Variants in KCNJ1 observed in about 807,000 individuals in gnomAD.
The protein encoded by KCNJ1 is ATP-sensitive inward rectifier potassium channel 1.
A neutral mutation model predicts 21.9 loss-of-function variants in KCNJ1; 24 were observed. That is an observed-to-expected ratio of 1.10 (90% CI 0.79 to 1.54). The LOEUF is 1.54. KCNJ1 is among the 40% of genes most tolerant of loss of function. The pLI is 0.00. For missense variants in KCNJ1, 457 were observed against 455.4 expected (o/e 1.00, Z -0.03); for synonymous variants, 152 against 160.9 (o/e 0.94, Z 0.42).
intron 2 of KCNJ1, among the ~76,000 whole-genome samples, chr11:128,848,900 G>T (rs1260622465): frequency 6.6e-6 from 1 of 152,234 alleles, no homozygotes; most frequent in Non-Finnish European, 1.5e-5. Flanking sequence ...GGCTGGGGCT[G>T]ATAACAGTCT....
In KCNJ1 at chr11:128,839,370, G is replaced by A. The variant is rs779747435; in HGVS notation, c.874C>T (p.Arg292Trp). 47 of 1,614,006 alleles carry A rather than the reference G, an allele frequency of 2.9e-5. No individual in the cohort carries two copies. The highest frequency in any genetic ancestry group is 1.6e-4 in the Middle Eastern group (1 of 6,084). The part of the protein sequence containing the change: ...VESTSATCQV[R>W]TSYVPEEVLW... ...ACCTCCTCTGGGACATAGGATGTCC[G>A]GACTTGGCAGGTAGCACTGGTGGAC... The change falls in exon 3 of 3, where the codon CGG becomes TGG. Residue 292 changes from arginine (R) to tryptophan (W), a missense_variant. Coordinates refer to ENST00000392666, the MANE Select transcript of KCNJ1 (RefSeq NM_153766.3).
intron 1 of KCNJ1, among the ~76,000 whole-genome samples, chr11:128,864,608 T>G (rs747972147): frequency 6.6e-6 from 1 of 152,154 alleles, no homozygotes; most frequent in Non-Finnish European, 1.5e-5. Context: ...AAGAGCAGAT[T>G]GGGAAAGCCT....
chr11:128,850,146 C>T (rs1221139423), intron 2 of KCNJ1, among the ~76,000 whole-genome samples: 1 of 152,134 alleles, frequency 6.6e-6, no homozygotes, highest in Non-Finnish European at 1.5e-5. Flanking sequence ...GCTATTTCCT[C>T]GGCTGGAAAC....
At chr11:128,858,410 G>C (rs1181434963) in intron 1 of KCNJ1, among the ~76,000 whole-genome samples, 1 of 152,138 alleles carries the variant, frequency 6.6e-6, no homozygotes, top group Non-Finnish European at 1.5e-5. Context: ...ATTAACAACT[G>C]TTCAAATGGC....
intron 1 of KCNJ1, among the ~76,000 whole-genome samples, chr11:128,864,714 G>C (rs1042021588): frequency 5.9e-5 from 9 of 152,150 alleles, no homozygotes; most frequent in South Asian, 4.1e-4. Context: ...GCCATTCAAA[G>C]TGTGCTCTTT....
chr11:128,848,299 AAAAAAAAAAAAG>A (rs1473172684), intron 2 of KCNJ1, among the ~76,000 whole-genome samples: 1 of 150,638 alleles, frequency 6.6e-6, no homozygotes. Flanking sequence ...AAAAAAAAAA[AAAAAAAAAAAAG>A]TACCTGAGAC....
intron 2 of KCNJ1, among the ~76,000 whole-genome samples, chr11:128,849,222 G>A (rs995922002): frequency 6.6e-6 from 1 of 152,252 alleles, no homozygotes; most frequent in Non-Finnish European, 1.5e-5. Context: ...AAAGAGCAAA[G>A]ATTAGAAGAA....
intron 1 of KCNJ1, among the ~76,000 whole-genome samples, chr11:128,861,951 T>C (rs1565531068): frequency 6.6e-6 from 1 of 151,856 alleles, no homozygotes; most frequent in Non-Finnish European, 1.5e-5. Context: ...AGCCCCCAGC[T>C]CTCGGCCGCG....
Position 128,845,749 on chromosome 11 carries a change from TCTGAGCTTCAGGACTCTTCCAGGCTAGA to T in KCNJ1, c.-22+4944_-22+4971del, listed in dbSNP as rs766446004. Among the ~76,000 whole-genome samples the T allele has an allele frequency of 2.6e-5, 4 of 152,330 alleles. No individual in the cohort carries two copies. The East Asian group carries it at 7.7e-4, about 29-fold the overall frequency. Reference sequence around the variant, plus strand: ...GGCCTCATGGGCATAGAAGAGGGCATCTGAGCTTCAGGACTCTTCCAGGCTAGACTTGGGAATGCACTTCAGGAATACC... The same window carrying T: ...GGCCTCATGGGCATAGAAGAGGGCATCTTGGGAATGCACTTCAGGAATACC... On this transcript the variant is annotated intron_variant, in intron 2 of 2. Transcript: ENST00000392666.
intron 1 of KCNJ1, among the ~76,000 whole-genome samples, chr11:128,860,489 C>T (rs565654502): frequency 2.1e-4 from 32 of 152,294 alleles, no homozygotes; most frequent in Non-Finnish European, 4.3e-4. Flanking sequence ...GGAAGGAAGA[C>T]GTGACTTAAG....
chr11:128,859,184 TTC>T (rs914819771), intron 1 of KCNJ1, among the ~76,000 whole-genome samples: 3 of 152,228 alleles, frequency 2.0e-5, no homozygotes, highest in African/African-American at 7.2e-5. Flanking sequence ...AGGTCTAATT[TTC>T]TCTGTTTGAC....
intron 1 of KCNJ1, among the ~76,000 whole-genome samples, chr11:128,860,408 G>A (rs192383872): frequency 1.3e-5 from 2 of 152,250 alleles, no homozygotes; most frequent in Admixed American, 6.5e-5. Flanking sequence ...ACACTGCACA[G>A]GTTTCACTGT....
At chr11:128,845,182 T>C (rs1456124784) in intron 2 of KCNJ1, among the ~76,000 whole-genome samples, 1 of 152,232 alleles carries the variant, frequency 6.6e-6, no homozygotes, top group East Asian at 1.9e-4. Flanking sequence ...ACAAACACAT[T>C]ATTTATTGAG....
chr11:128,860,844 C>T (rs973383084), intron 1 of KCNJ1, among the ~76,000 whole-genome samples: 26 of 152,216 alleles, frequency 1.7e-4, no homozygotes, highest in African/African-American at 6.3e-4. Flanking sequence ...GACAGGGGCA[C>T]GCCCAGCCCC....
At chr11:128,856,893 C>T (rs1044666009) in intron 1 of KCNJ1, among the ~76,000 whole-genome samples, 3 of 152,060 alleles carry the variant, frequency 2.0e-5, no homozygotes, top group Non-Finnish European at 4.4e-5. Context: ...TGTCCACCGC[C>T]TCTTTCTCCT....
rs971997115 is a variant in KCNJ1 at position 128,838,985 on chromosome 11, G to A, written c.*140C>T. The A allele has an allele frequency of 3.5e-5, 25 of 713,122 alleles. 1 individual carries two copies. Among genetic ancestry groups the A allele is most frequent in the African/African-American group, 2.5e-4 (14 of 56,314 alleles). 44.2% of individuals were successfully genotyped at this position (713,122 alleles called of 1,614,324 possible). On this transcript the variant is annotated 3_prime_UTR_variant, in exon 3 of 3. Transcript: ENST00000392666. ...GCATGTCTTGTGGGATCACAATTGC[G>A]GGGCTCAGGGGTCTTTGTGCTGGTA... is the stretch of plus-strand genomic sequence containing the variant.
chr11:128,845,293 C>A (rs1943359056), intron 2 of KCNJ1, among the ~76,000 whole-genome samples: 1 of 152,230 alleles, frequency 6.6e-6, no homozygotes, highest in South Asian at 2.1e-4. Context: ...TGTAATGTGG[C>A]AGGTTTGCTG....
rs562014171 is a variant in KCNJ1 at position 128,866,350 on chromosome 11, A to G, written c.-192+823T>C. Among the ~76,000 whole-genome samples, 7 of 152,326 alleles carry G rather than the reference A, an allele frequency of 4.6e-5. No homozygotes were observed. The South Asian group carries it at 1.4e-3, about 32-fold the overall frequency. On this transcript the variant is annotated intron_variant, in intron 1 of 2. Transcript: ENST00000392666. Reference sequence around the variant, plus strand: ...GAGTGGCTCTGCCAAGTCCCTGTCCATAAAAGGTCCATAGCACAATCACTA... The same window carrying G: ...GAGTGGCTCTGCCAAGTCCCTGTCCGTAAAAGGTCCATAGCACAATCACTA...
At position 128,839,239 on chromosome 11, in the gene KCNJ1, G is replaced by T; in HGVS notation, c.1005C>A (p.His335Gln). ...FSKTVEVETP[H>Q]CAMCLYNEKD... ...TCTCATTATAAAGGCACATGGCACA[G>T]TGAGGGGTCTCCACTTCCACTGTCT... The change falls in exon 3 of 3, where the codon CAC becomes CAA. Residue 335 changes from histidine to glutamine, a missense_variant. Coordinates refer to ENST00000392666, the MANE Select transcript of KCNJ1 (RefSeq NM_153766.3). 1 of 1,614,154 alleles carries T rather than the reference G, an allele frequency of 6.2e-7. No homozygotes were observed. The highest frequency in any genetic ancestry group is 8.5e-7 in the Non-Finnish European group (1 of 1,180,012).
Sources: gnomAD v4.1 joint callset for allele counts (sites outside exome capture counted in the v4.1 genomes callset) on GRCh38, gnomAD v4.1.1 for gene constraint, MANE v1.5 for transcripts, NCBI Gene and HGNC (gene_info 2026-07-23, HGNC 2026-07-21) for gene names.